SEPTIN12: variants seen among roughly 807,000 people sequenced by gnomAD.
SEPTIN12 encodes the protein septin 12, also known as septin-12.
SEPTIN12 carries 42 observed loss-of-function variants against 37.7 expected under a neutral mutation model. The ratio of observed to expected loss-of-function variants is 1.11; its 90% CI spans 0.87 to 1.44. The LOEUF is 1.44. Ranked by LOEUF, SEPTIN12 falls within the 40% of genes most tolerant of loss-of-function variation. The pLI, the probability that SEPTIN12 is intolerant of heterozygous loss-of-function variation, is 0.00. For synonymous variants in SEPTIN12, 254 were observed against 196.7 expected (o/e 1.29, Z -2.44); for missense variants, 613 against 479.2 (o/e 1.28, Z -2.61).
chr16:4,783,527 C>T lies in SEPTIN12; in HGVS notation c.661G>A (p.Asp221Asn), dbSNP rs369327426. ...IQQNLRTHCI[D>N]VYPQMCFDED... ...TCAAAGCACATCTGGGGGTAGACGT[C>T]GATGCAGTGGGTCCTCAGGTTCTGC... is the stretch of plus-strand genomic sequence containing the variant. Residue 221 changes from aspartate to asparagine, a missense_variant, in exon 7 of 10, where the codon GAC (aspartate) becomes AAC (asparagine). Transcript: ENST00000268231. The T allele has an allele frequency of 6.8e-6, 11 of 1,614,178 alleles. No homozygotes were observed. Among genetic ancestry groups the T allele is most frequent in the African/African-American group, 5.3e-5 (4 of 75,050 alleles).
Position 4,783,861 on chromosome 16 carries a change from G to T in SEPTIN12, c.512+70C>A, listed in dbSNP as rs1002417951. 7 of 1,606,322 alleles carry T rather than the reference G, an allele frequency of 4.4e-6. No individual in the cohort carries two copies. The African/African-American group carries it at 9.4e-5, about 21-fold the overall frequency. ...GGGGTGGGGGCAGCCGGCAGCCCAT[G>T]GTGGGGACCCCTTCTCCTCCTCCCT... On this transcript the variant is annotated intron_variant, in intron 5 of 9. Coordinates refer to ENST00000268231, the MANE Select transcript of SEPTIN12 (RefSeq NM_144605.5).
Position 4,777,865 on chromosome 16 carries a change from G to T in SEPTIN12, c.1009C>A (p.Gln337Lys). ...TTGAAGGTCCGGGGGGTGGTCAGCT[G>T]TCCTGGGGAGGCCGGGGCCAGGTTC... ...WVNLAPASPG[Q>K]LTTPRTFKVC... The change falls in exon 10 of 10, where the codon CAG (glutamine) becomes AAG (lysine). Residue 337 changes from glutamine to lysine, a missense_variant. By Grantham distance (53) the Gln-to-Lys change is moderately conservative (BLOSUM62 1). Coordinates refer to ENST00000268231, the MANE Select transcript of SEPTIN12 (RefSeq NM_144605.5). 1 of 1,596,924 alleles carries T rather than the reference G, an allele frequency of 6.3e-7. No individual in the cohort carries two copies. The highest frequency in any genetic ancestry group is 1.1e-5 in the South Asian group (1 of 88,334).
Position 4,777,635 on chromosome 16 carries a change from G to T in SEPTIN12, c.*162C>A. 1.6e-6 allele frequency: 1 copy of T among 608,142 alleles called. No individual in the cohort carries two copies. Among genetic ancestry groups the T allele is most frequent in the Non-Finnish European group, 2.9e-6 (1 of 347,534 alleles). The allele number at this position is 608,142 out of a possible 1,614,324, so 37.7% of individuals were successfully genotyped here. A position where few individuals can be genotyped will look rare whatever the true frequency, so the allele number is the denominator to read the frequency against. The stretch of plus-strand genomic sequence containing the variant: ...AGAGTGACACCCAGCCTTTTTATTT[G>T]TGGATAGCTCAAAGAAGTCATTTAC... On this transcript the variant is annotated 3_prime_UTR_variant, in exon 10 of 10. Transcript: ENST00000268231.
intron 7 of SEPTIN12, chr16:4,783,258 T>A (rs998929690): frequency 3.3e-6 from 2 of 599,730 alleles, no homozygotes; most frequent in African/African-American, 3.7e-5. Flanking sequence ...GGTATGTGAT[T>A]CGCAGACATT....
chr16:4,787,880 A>G, intron 1 of SEPTIN12: 2 of 524,054 alleles, frequency 3.8e-6, no homozygotes, highest in Non-Finnish European at 6.9e-6. Context: ...ACCCATCCAG[A>G]GAGGCTCCGC....
intron 2 of SEPTIN12, among the ~76,000 whole-genome samples, chr16:4,786,540 A>T (rs936672528): frequency 7.3e-5 from 11 of 151,386 alleles, no homozygotes; most frequent in Non-Finnish European, 1.5e-4. Flanking sequence ...TATTTTTAGT[A>T]GAGACGGGGT....
intron 8 of SEPTIN12, among the ~76,000 whole-genome samples, chr16:4,778,805 AAT>A (rs1555487846): frequency 6.7e-6 from 1 of 149,708 alleles, no homozygotes. Context: ...GTCTCAAAAA[AAT>A]ATATATATAT....
intron 2 of SEPTIN12, 96 bp from the exon 3 acceptor site, chr16:4,786,201 T>A (rs2082441965): frequency 1.4e-6 from 2 of 1,440,646 alleles, no homozygotes; most frequent in African/African-American, 2.8e-5. Context: ...GGAGACAGGT[T>A]CTCACTCTGT....
rs1567564045 is a variant in SEPTIN12 at position 4,783,538 on chromosome 16, G to A, written c.650C>T (p.Thr217Ile). ...CTGGGGGTAGACGTCGATGCAGTGG[G>A]TCCTCAGGTTCTGCTGGATCTGGAG... ...FRRRIQQNLR[T>I]HCIDVYPQMC... The change falls in exon 7 of 10, where the codon ACC becomes ATC. Residue 217 changes from threonine (T) to isoleucine (I), a missense_variant. By Grantham distance (89) the Thr-to-Ile change is moderately conservative. Transcript: ENST00000268231. 1 of 1,613,978 alleles carries A rather than the reference G, an allele frequency of 6.2e-7. No homozygotes were observed. The highest frequency in any genetic ancestry group is 8.5e-7 in the Non-Finnish European group (1 of 1,179,974).
chr16:4,786,546 G>A (rs1027336724), intron 2 of SEPTIN12, among the ~76,000 whole-genome samples: 3 of 151,522 alleles, frequency 2.0e-5, no homozygotes, highest in Non-Finnish European at 4.4e-5. Flanking sequence ...TAGTAGAGAC[G>A]GGGTTTCACC....
chr16:4,778,282 A>T, intron 8 of SEPTIN12, 145 bp from the exon 9 acceptor site: 2 of 854,714 alleles, frequency 2.3e-6, no homozygotes, highest in South Asian at 3.1e-5. Context: ...TGGTTCATTC[A>T]TTCATTCACC....
At chr16:4,791,078 TC>T (rs1449824239), upstream of SEPTIN12, among the ~76,000 whole-genome samples, 3 of 152,304 alleles carry the variant, frequency 2.0e-5, no homozygotes, top group East Asian at 3.9e-4. Context: ...TCTGGGGATG[TC>T]CCCTAAGGAA....
chr16:4,790,790 G>GTAAA (rs574580783), upstream of SEPTIN12, among the ~76,000 whole-genome samples: 4,949 of 152,106 alleles, frequency 0.033, 127 homozygotes, highest in South Asian at 0.071. Flanking sequence ...CCCTAGCTCA[G>GTAAA]TAAATAAATA....
intron 4 of SEPTIN12, 23 bp from the exon 5 acceptor site, chr16:4,784,091 C>T (rs775539438): frequency 6.2e-6 from 10 of 1,613,392 alleles, no homozygotes; most frequent in African/African-American, 1.3e-5. Context: ...GTGGACCCTC[C>T]CCTCAGAACT....
chr16:4,790,438 A>C (rs1006602282), upstream of SEPTIN12, among the ~76,000 whole-genome samples: 2 of 152,180 alleles, frequency 1.3e-5, no homozygotes, highest in African/African-American at 4.8e-5. Context: ...ACCTTCTGCC[A>C]GTTCTTCCTT....
At chr16:4,784,317 A>C (rs9921543) in intron 4 of SEPTIN12, 6,350 of 518,930 alleles carry the variant, frequency 0.012, 189 homozygotes, top group African/African-American at 0.082. Flanking sequence ...CGTTGCAAGT[A>C]AGGGAGGGGT....
intron 4 of SEPTIN12, chr16:4,785,577 C>T (rs555459413): frequency 2.1e-4 from 102 of 493,082 alleles, no homozygotes; most frequent in African/African-American, 1.9e-3. Context: ...AGTTCAAGAC[C>T]AGCCTGGCCA....
chr16:4,781,677 C>A (rs2082372860), intron 7 of SEPTIN12, among the ~76,000 whole-genome samples: 1 of 149,692 alleles, frequency 6.7e-6, no homozygotes, highest in African/African-American at 2.5e-5. Flanking sequence ...CAGGGTCTCA[C>A]TCCCTTGCCC....
chr16:4,779,742 C>A lies in SEPTIN12; in HGVS notation c.771G>T (p.Leu257=). Reference sequence around the variant, plus strand: ...GGCCCAGGACACACCTCCCGTTCACCAGGTGCTCTTGGTCAGCCCCTACCA... The same window carrying A: ...GGCCCAGGACACACCTCCCGTTCACAAGGTGCTCTTGGTCAGCCCCTACCA... The part of the protein sequence containing the change: ...FAVVGADQEH[L]VNGRCVLGRK... The change falls in exon 8 of 10, where the codon CTG becomes CTT. Residue 257 remains leucine, a synonymous_variant. Transcript: ENST00000268231. 1 of 1,613,960 alleles carries A rather than the reference C, an allele frequency of 6.2e-7. No individual in the cohort carries two copies. The highest frequency in any genetic ancestry group is 8.5e-7 in the Non-Finnish European group (1 of 1,179,860).
Sources: allele counts gnomAD v4.1 joint callset (sites outside exome capture counted in the v4.1 genomes callset), GRCh38; gene constraint gnomAD v4.1.1; transcripts MANE v1.5; gene names NCBI Gene and HGNC (gene_info 2026-07-23, HGNC 2026-07-21).